Variants in ALDOC observed in about 807,000 individuals in gnomAD.
The protein encoded by ALDOC is aldolase, fructose-bisphosphate C.
ALDOC carries 23 observed loss-of-function variants against 39.5 expected under a neutral mutation model. The ratio of observed to expected loss-of-function variants is 0.58; its 90% CI spans 0.42 to 0.82. The LOEUF (loss-of-function observed/expected upper bound fraction) is 0.82. Ranked by LOEUF, ALDOC falls within the 40% of genes least tolerant of loss-of-function variation. The pLI, the probability that ALDOC is intolerant of heterozygous loss-of-function variation, is 0.00. For synonymous variants in ALDOC, 160 were observed against 182.6 expected (o/e 0.88, Z 1.00); for missense variants, 356 against 479.1 (o/e 0.74, Z 2.40).
At position 28,575,459 on chromosome 17, in the gene ALDOC, G is replaced by T. The variant is rs1441993649; in HGVS notation, c.74C>A (p.Ala25Asp). Residue 25 changes from alanine (A) to aspartate (D), a missense_variant, in exon 2 of 9, where the codon GCC (alanine) becomes GAC (aspartate). Physicochemically the swap from Ala to Asp is moderately radical, Grantham distance 126 (BLOSUM62 -2). Transcript: ENST00000226253. The surrounding 1 kb of genome is among the most constrained non-coding windows in gnomAD (Gnocchi z 4.3). ...CGCAGCCAGAATGCCTTTGCCCGGG[G>T]CTACAATCCGCAGGGCAATGTCAGA... ...ELSDIALRIV[A>D]PGKGILAADE... 6.2e-7 allele frequency: 1 copy of T among 1,614,088 alleles called. No individual in the cohort carries two copies. The highest frequency in any genetic ancestry group is 1.3e-5 in the African/African-American group (1 of 74,944).
Position 28,574,984 on chromosome 17 carries a change from A to G in ALDOC, c.347T>C (p.Leu116Pro). The stretch of plus-strand genomic sequence containing the variant: ...GGTGGTTTCTCCATCAGTCCCAGCT[A>G]GAGGCACCACACCCTTGTCAACCTG... ...GIKVDKGVVP[L>P]AGTDGETTTQ... Residue 116 changes from leucine (L) to proline (P), a missense_variant, in exon 4 of 9, where the codon CTA (leucine) becomes CCA (proline). Leu to Pro is a moderately conservative substitution (Grantham distance 98). Coordinates refer to ENST00000226253, the MANE Select transcript of ALDOC (RefSeq NM_005165.3). 1 of 1,614,190 alleles carries G rather than the reference A, an allele frequency of 6.2e-7. No individual in the cohort carries two copies. Among genetic ancestry groups the G allele is most frequent in the Non-Finnish European group, 8.5e-7 (1 of 1,180,028 alleles).
At position 28,575,192 on chromosome 17, in the gene ALDOC, G is replaced by A. The variant is rs1342330731; in HGVS notation, c.255C>T (p.Tyr85=). The change falls in exon 3 of 9, where the codon TAC becomes TAT. Residue 85 remains tyrosine, a synonymous_variant. Coordinates refer to ENST00000226253, the MANE Select transcript of ALDOC (RefSeq NM_005165.3). This position sits in a 1 kb window ranked among gnomAD's most constrained non-coding sequence, Gnocchi z 4.3. ...AGGGAACACCATTATCATCTTTCTG[G>A]TAGAGGGTCTCATGGAAGAAAATGA... ...GGVIFFHETL[Y]QKDDNGVPFV... is the part of the protein sequence containing the mutation. 12 of 1,614,020 alleles carry A rather than the reference G, an allele frequency of 7.4e-6. No homozygotes were observed. Among genetic ancestry groups the A allele is most frequent in the Non-Finnish European group, 1.0e-5 (12 of 1,180,048 alleles).
At position 28,574,463 on chromosome 17, in the gene ALDOC, A is replaced by G. The variant is rs1467711609; in HGVS notation, c.624+31T>C. On this transcript the variant is annotated intron_variant, in intron 6 of 8. Coordinates refer to ENST00000226253, the MANE Select transcript of ALDOC (RefSeq NM_005165.3). ...GACACTCCTGCCGAGCTGTCCCTGCAGTATGTTTGTGTGCCCAGGTGTGGA... is the reference window on the plus strand; with the variant it reads ...GACACTCCTGCCGAGCTGTCCCTGCGGTATGTTTGTGTGCCCAGGTGTGGA... The G allele has an allele frequency of 7.5e-6, 12 of 1,606,748 alleles. No individual in the cohort carries two copies. In the South Asian group the frequency reaches 1.2e-4, roughly 16 times the overall value.
rs373138801 is a variant in ALDOC, at chr17:28,574,816, C to T, written c.420G>A (p.Lys140=). 3.7e-6 allele frequency: 6 copies of T among 1,614,116 alleles called. No homozygotes were observed. The African/African-American group carries it at 8.0e-5, about 22-fold the overall frequency. The change falls in exon 5 of 9, where the codon AAG becomes AAA. Residue 140 remains lysine (K), a synonymous_variant. Transcript: ENST00000226253. ...GLSERCAQYK[K]DGADFAKWRC... Reference sequence around the variant, plus strand: ...GCCACTTGGCAAAGTCAGCACCATCCTTCTTGTATTGGGCACAGCGTTCTG... The same window carrying T: ...GCCACTTGGCAAAGTCAGCACCATCTTTCTTGTATTGGGCACAGCGTTCTG...
intron 6 of ALDOC, 125 bp downstream of exon 6, chr17:28,574,369 T>G (rs2070461849): frequency 6.9e-7 from 1 of 1,440,716 alleles, no homozygotes; most frequent in Non-Finnish European, 9.6e-7. Flanking sequence ...CACAGGCCTG[T>G]GCCGGGATGA....
At chr17:28,574,371 C>T in intron 6 of ALDOC, 123 bp downstream of exon 6, 1 of 1,441,754 alleles carries the variant, frequency 6.9e-7, no homozygotes, top group Non-Finnish European at 9.6e-7. Context: ...CAGGCCTGTG[C>T]CGGGATGAAG....
chr17:28,574,943 A>C lies in ALDOC; in HGVS notation c.379+9T>G, dbSNP rs916038174. 1 of 1,614,068 alleles carries C rather than the reference A, an allele frequency of 6.2e-7. No homozygotes were observed. The highest frequency in any genetic ancestry group is 8.5e-7 in the Non-Finnish European group (1 of 1,180,006). On this transcript the variant is annotated intron_variant, in intron 4 of 8. Coordinates refer to ENST00000226253, the MANE Select transcript of ALDOC (RefSeq NM_005165.3). ...ACCTCTTTGGTCCTCAAGCCCACCC[A>C]TCCTATACCTTGAGTGGTGGTTTCT...
In ALDOC at chr17:28,574,117, G is replaced by T; in HGVS notation, c.749C>A (p.Ala250Asp). The change falls in exon 7 of 9, where the codon GCC (alanine) becomes GAC (aspartate). Residue 250 changes from alanine to aspartate, a missense_variant. Physicochemically the swap from Ala to Asp is moderately radical, Grantham distance 126. Transcript: ENST00000226253. ...CPIKYTPEEIAMATVTALRRT... is the reference protein window; with the variant it reads ...CPIKYTPEEIDMATVTALRRT... ...ACGCAGGGCAGTGACAGTTGCCATG[G>T]CAATCTCCTCTGGGGTATACTTGAT... The T allele has an allele frequency of 6.2e-7, 1 of 1,607,712 alleles. No individual in the cohort carries two copies. Among genetic ancestry groups the T allele is most frequent in the South Asian group, 1.1e-5 (1 of 90,130 alleles).
rs1387978889 is a variant in ALDOC at position 28,575,356 on chromosome 17, C to T, written c.113-22G>A. 6.2e-7 allele frequency: 1 copy of T among 1,614,090 alleles called. No homozygotes were observed. The highest frequency in any genetic ancestry group is 1.3e-5 in the African/African-American group (1 of 74,934). On this transcript the variant is annotated intron_variant, in intron 2 of 8. Transcript: ENST00000226253. This position sits in a 1 kb window ranked among gnomAD's most constrained non-coding sequence, Gnocchi z 4.3. The stretch of plus-strand genomic sequence containing the variant: ...CTGCCTAGGGGCAAACAAAGAGAGG[C>T]AGTGAGAACATCCCCAGGGTCCCCT...
chr17:28,574,311 G>T (rs555229057), intron 6 of ALDOC, 70 bp from the exon 7 acceptor site: 26 of 1,509,954 alleles, frequency 1.7e-5, no homozygotes, highest in Non-Finnish European at 2.3e-5. Flanking sequence ...TGCTCCCTAT[G>T]TAGGGGTAGA....
In ALDOC at chr17:28,576,810, G is replaced by A; in HGVS notation, c.-22C>T. 1 of 985,402 alleles carries A rather than the reference G, an allele frequency of 1.0e-6. No homozygotes were observed. Among genetic ancestry groups the A allele is most frequent in the Non-Finnish European group, 1.2e-6 (1 of 829,930 alleles). The allele number at this position is 985,402 out of a possible 1,614,324, so 61.0% of individuals were successfully genotyped here. A position where few individuals can be genotyped will look rare whatever the true frequency, so the allele number is the denominator to read the frequency against. ...CCTTGCCTGGCCTTACCTGTGCGCAGCCAGTTAGCAGCCGCAGCCACAAGC... is the reference window on the plus strand; with the variant it reads ...CCTTGCCTGGCCTTACCTGTGCGCAACCAGTTAGCAGCCGCAGCCACAAGC... On this transcript the variant is annotated 5_prime_UTR_variant, in exon 1 of 9. Transcript: ENST00000226253.
Position 28,575,311 on chromosome 17 carries a change from G to A in ALDOC, c.136C>T (p.Gln46Ter). 1 of 1,614,180 alleles carries A rather than the reference G, an allele frequency of 6.2e-7. No individual in the cohort carries two copies. The highest frequency in any genetic ancestry group is 8.5e-7 in the Non-Finnish European group (1 of 1,180,026). Residue 46 changes from glutamine (Q) to a stop codon, truncating the protein, a stop_gained, in exon 3 of 9, where the codon CAA (glutamine) becomes TAA (stop). Coordinates refer to ENST00000226253, the MANE Select transcript of ALDOC (RefSeq NM_005165.3). LOFTEE classifies it high-confidence loss of function. This position sits in a 1 kb window ranked among gnomAD's most constrained non-coding sequence, Gnocchi z 4.3. ...SVGSMAKRLS[Q>*]IGVENTEENR... Reference sequence around the variant, plus strand: ...TCCTCTGTGTTTTCCACCCCAATTTGGCTCAGCCGCTTGGCCATGCTGCCT... The same window carrying A: ...TCCTCTGTGTTTTCCACCCCAATTTAGCTCAGCCGCTTGGCCATGCTGCCT...
chr17:28,576,031 A>G, intron 1 of ALDOC: 1 of 1,001,120 alleles, frequency 1.0e-6, no homozygotes, highest in African/African-American at 1.7e-5. Context: ...CTAGAGGAAA[A>G]GGTTGGAAGA....
chr17:28,575,260 G>A lies in ALDOC; in HGVS notation c.187C>T (p.Leu63=), dbSNP rs1464643652. Residue 63 remains leucine, a synonymous_variant, in exon 3 of 9, where the codon CTG becomes TTG. Transcript: ENST00000226253. This position sits in a 1 kb window ranked among gnomAD's most constrained non-coding sequence, Gnocchi z 4.3. ...EENRRLYRQV[L]FSADDRVKKC... ...TTCACACGGTCATCAGCACTGAACA[G>A]GACCTGGCGGTACAGCCGGCGGTTC... is the stretch of plus-strand genomic sequence containing the variant. 1 of 1,614,184 alleles carries A rather than the reference G, an allele frequency of 6.2e-7. No individual in the cohort carries two copies. The highest frequency in any genetic ancestry group is 1.7e-5 in the Admixed American group (1 of 60,034).
Position 28,575,491 on chromosome 17 carries a change from C to A in ALDOC, c.42G>T (p.Lys14Asn). The A allele has an allele frequency of 6.2e-7, 1 of 1,614,134 alleles. No homozygotes were observed. Among genetic ancestry groups the A allele is most frequent in the Non-Finnish European group, 8.5e-7 (1 of 1,179,966 alleles). The change falls in exon 2 of 9, where the codon AAG (lysine) becomes AAT (asparagine). Residue 14 changes from lysine (K) to asparagine (N), a missense_variant. Lys to Asn is a moderately conservative substitution (Grantham distance 94). Coordinates refer to ENST00000226253, the MANE Select transcript of ALDOC (RefSeq NM_005165.3). This position sits in a 1 kb window ranked among gnomAD's most constrained non-coding sequence, Gnocchi z 4.3. ...SYPALSAEQK[K>N]ELSDIALRIV... The stretch of plus-strand genomic sequence containing the variant: ...TCCGCAGGGCAATGTCAGACAACTC[C>A]TTCTTCTGCTCAGCAGAAAGGGCTG...
chr17:28,575,678 C>T lies in ALDOC; in HGVS notation c.-12-134G>A. 9.1e-7 allele frequency: 1 copy of T among 1,094,632 alleles called. No individual in the cohort carries two copies. The highest frequency in any genetic ancestry group is 1.3e-6 in the Non-Finnish European group (1 of 787,382). The allele number at this position is 1,094,632 out of a possible 1,614,324, so 67.8% of individuals were successfully genotyped here. A position where few individuals can be genotyped will look rare whatever the true frequency, so the allele number is the denominator to read the frequency against. ...AGTCCTTGGCATGAGTCCTGGGCAT[C>T]AAGTGGCACCAGTCCTTCTGACAGC... On this transcript the variant is annotated intron_variant, in intron 1 of 8. Coordinates refer to ENST00000226253, the MANE Select transcript of ALDOC (RefSeq NM_005165.3). This position sits in a 1 kb window ranked among gnomAD's most constrained non-coding sequence, Gnocchi z 4.3.
At position 28,575,683 on chromosome 17, in the gene ALDOC, G is replaced by A; in HGVS notation, c.-12-139C>T. On this transcript the variant is annotated intron_variant, in intron 1 of 8. Transcript: ENST00000226253. This position sits in a 1 kb window ranked among gnomAD's most constrained non-coding sequence, Gnocchi z 4.3. ...TTGGCATGAGTCCTGGGCATCAAGT[G>A]GCACCAGTCCTTCTGACAGCTAGCA... 2 of 1,065,982 alleles carry A rather than the reference G, an allele frequency of 1.9e-6. No homozygotes were observed. Among genetic ancestry groups the A allele is most frequent in the South Asian group, 1.7e-5 (1 of 60,376 alleles). 66.0% of individuals were successfully genotyped at this position (1,065,982 alleles called of 1,614,324 possible). A position where few individuals can be genotyped will look rare whatever the true frequency, so the allele number is the denominator to read the frequency against.
chr17:28,575,049 T>C lies in ALDOC; in HGVS notation c.325-43A>G. 6.2e-7 allele frequency: 1 copy of C among 1,614,156 alleles called. No homozygotes were observed. The highest frequency in any genetic ancestry group is 8.5e-7 in the Non-Finnish European group (1 of 1,179,996). Reference sequence around the variant, plus strand: ...GCAGAGGGTTGAATCCAGGCAGGATTCTCCTTGCTACCCCTCCTACACAAG... The same window carrying C: ...GCAGAGGGTTGAATCCAGGCAGGATCCTCCTTGCTACCCCTCCTACACAAG... On this transcript the variant is annotated intron_variant, in intron 3 of 8. Coordinates refer to ENST00000226253, the MANE Select transcript of ALDOC (RefSeq NM_005165.3). The surrounding 1 kb of genome is among the most constrained non-coding windows in gnomAD (Gnocchi z 4.3).
At position 28,573,417 on chromosome 17, in the gene ALDOC, T is replaced by G; in HGVS notation, c.*109A>C. 1 of 945,558 alleles carries G rather than the reference T, an allele frequency of 1.1e-6. No individual in the cohort carries two copies. Among genetic ancestry groups the G allele is most frequent in the Non-Finnish European group, 1.7e-6 (1 of 577,180 alleles). The allele number at this position is 945,558 out of a possible 1,614,324, so 58.6% of individuals were successfully genotyped here. ...GAAGAGAGAAAGGAAGACAAGTTGGTGCCAGGTGAAGGCATCTCTGCTCTG... is the reference window on the plus strand; with the variant it reads ...GAAGAGAGAAAGGAAGACAAGTTGGGGCCAGGTGAAGGCATCTCTGCTCTG... On this transcript the variant is annotated 3_prime_UTR_variant, in exon 9 of 9. Coordinates refer to ENST00000226253, the MANE Select transcript of ALDOC (RefSeq NM_005165.3). The surrounding 1 kb of genome is among the most constrained non-coding windows in gnomAD (Gnocchi z 4.3).
Sources: gnomAD v4.1 joint callset for allele counts on GRCh38, gnomAD v4.1.1 for gene constraint, Gnocchi (gnomAD v3.1) non-coding constraint, MANE v1.5 for transcripts, NCBI Gene and HGNC (gene_info 2026-07-23, HGNC 2026-07-21) for gene names.